The following SENP7 variants were observed in gnomAD, a reference collection of about 807,000 sequenced individuals.
The protein encoded by SENP7 is SUMO specific peptidase 7, also known as sentrin-specific protease 7.
In SENP7, 64 loss-of-function variants were observed where a neutral mutation model predicts 141.2. That is an observed-to-expected ratio of 0.45 (90% CI 0.37 to 0.56). The LOEUF (loss-of-function observed/expected upper bound fraction) is 0.56. SENP7 is among the 20% of genes least tolerant of loss of function. The probability of loss-of-function intolerance (pLI) is 0.00; values close to 1 mark genes in which losing one functional copy is unlikely to be tolerated. For missense variants in SENP7, 1,025 were observed against 1,212.2 expected (o/e 0.85, Z 2.29); for synonymous variants, 382 against 426.4 (o/e 0.90, Z 1.28).
intron 6 of SENP7, among the ~76,000 whole-genome samples, chr3:101,378,338 T>C (rs2060396818): frequency 6.6e-6 from 1 of 151,980 alleles, no homozygotes; most frequent in Non-Finnish European, 1.5e-5. Context: ...TTATGGGCAA[T>C]GTTAGCAGAG....
intron 3 of SENP7, among the ~76,000 whole-genome samples, chr3:101,484,877 TCA>T (rs2064661020): frequency 6.6e-6 from 1 of 152,034 alleles, no homozygotes; most frequent in South Asian, 2.1e-4. Flanking sequence ...AGAAGCCCAT[TCA>T]CACCCTCAGA....
At chr3:101,501,775 T>G (rs1476521671) in intron 1 of SENP7, among the ~76,000 whole-genome samples, 1 of 152,198 alleles carries the variant, frequency 6.6e-6, no homozygotes, top group African/African-American at 2.4e-5. Flanking sequence ...CAAACTTTCC[T>G]GGAACTTAGA....
chr3:101,366,725 C>A lies in SENP7; in HGVS notation c.1023G>T (p.Lys341Asn). ...GATCCTGATGATAGTTTTCACTTGGCTTTTCAAACTCAGTGGATATTGTTG... is the reference window on the plus strand; with the variant it reads ...GATCCTGATGATAGTTTTCACTTGGATTTTCAAACTCAGTGGATATTGTTG... Reference protein sequence around the residue: ...DDSTISTEFEKPSENYHQDPK... With the variant: ...DDSTISTEFENPSENYHQDPK... The change falls in exon 9 of 24, where the codon AAG (lysine) becomes AAT (asparagine). Residue 341 changes from lysine (K) to asparagine (N), a missense_variant. Around this residue, in one of 4 missense-constraint regions of SENP7, gnomAD observed 496 missense variants for 503.5 expected, o/e 0.99. Transcript: ENST00000394095. 2 of 1,610,450 alleles carry A rather than the reference C, an allele frequency of 1.2e-6. No homozygotes were observed. The highest frequency in any genetic ancestry group is 1.1e-5 in the South Asian group (1 of 90,500).
At chr3:101,439,965 G>C (rs1283343547) in intron 4 of SENP7, among the ~76,000 whole-genome samples, 1 of 85,240 alleles carries the variant, frequency 1.2e-5, no homozygotes, top group African/African-American at 3.7e-5. Flanking sequence ...TCAGCCCTCC[G>C]CCCGGCCAGC....
intron 6 of SENP7, among the ~76,000 whole-genome samples, chr3:101,398,343 C>G (rs1181037659): frequency 3.3e-5 from 5 of 152,098 alleles, no homozygotes; most frequent in Non-Finnish European, 5.9e-5. Flanking sequence ...GCCTGTAGTC[C>G]CAGCTACTTG....
chr3:101,328,341 G>T (rs1405298389), intron 22 of SENP7, 137 bp downstream of exon 22: 2 of 578,578 alleles, frequency 3.5e-6, no homozygotes, highest in Non-Finnish European at 6.1e-6. Flanking sequence ...ATTTATTATT[G>T]ATTAAATTTA....
intron 6 of SENP7, among the ~76,000 whole-genome samples, chr3:101,390,456 A>G (rs2060787917): frequency 6.6e-6 from 1 of 152,138 alleles, no homozygotes; most frequent in African/African-American, 2.4e-5. Context: ...ATTTTAAGTC[A>G]TGCTTTTGGT....
At chr3:101,442,417 C>T (rs1427030839) in intron 4 of SENP7, among the ~76,000 whole-genome samples, 1 of 152,144 alleles carries the variant, frequency 6.6e-6, no homozygotes, top group Non-Finnish European at 1.5e-5. Context: ...CCTGCATGCA[C>T]AGTTCACAAT....
intron 1 of SENP7, among the ~76,000 whole-genome samples, chr3:101,512,581 G>A (rs900585985): frequency 6.6e-6 from 1 of 152,196 alleles, no homozygotes; most frequent in African/African-American, 2.4e-5. Context: ...GAGACCCGGA[G>A]AGGCATTGTA....
chr3:101,497,658 T>G (rs1488908012), intron 2 of SENP7, among the ~76,000 whole-genome samples: 1 of 152,200 alleles, frequency 6.6e-6, no homozygotes, highest in East Asian at 1.9e-4. Flanking sequence ...TATGAGTCCA[T>G]ATTGATACAA....
At chr3:101,419,883 C>T (rs927183287) in intron 4 of SENP7, among the ~76,000 whole-genome samples, 1 of 152,176 alleles carries the variant, frequency 6.6e-6, no homozygotes, top group Non-Finnish European at 1.5e-5. Flanking sequence ...CCATGAGGGG[C>T]TTACAAATTA....
At chr3:101,414,588 T>C in intron 5 of SENP7, 2 of 1,605,394 alleles carry the variant, frequency 1.2e-6, no homozygotes, top group Admixed American at 1.7e-5. Flanking sequence ...TCATCCCAAC[T>C]ATGACCAAGA....
intron 14 of SENP7, among the ~76,000 whole-genome samples, chr3:101,342,698 C>T (rs1472965862): frequency 6.6e-6 from 1 of 150,376 alleles, no homozygotes; most frequent in African/African-American, 2.4e-5. Flanking sequence ...TAGACAGTCT[C>T]ACTCTGTAGC....
At chr3:101,388,002 C>T (rs1269143052) in intron 6 of SENP7, among the ~76,000 whole-genome samples, 1 of 108,752 alleles carries the variant, frequency 9.2e-6, no homozygotes, top group African/African-American at 3.0e-5. Context: ...CCTGCAGATG[C>T]CTCCTGGAAG....
chr3:101,332,065 T>C lies in SENP7; in HGVS notation c.2618A>G (p.Glu873Gly), dbSNP rs756502168. 1.2e-6 allele frequency: 2 copies of C among 1,613,462 alleles called. No homozygotes were observed. Among genetic ancestry groups the C allele is most frequent in the Non-Finnish European group, 1.7e-6 (2 of 1,179,626 alleles). ...TTGTGGAAAATCTTCATACACAGCT[T>C]CTTCTAACCATGGAAAACAAATGAC... Reference protein sequence around the residue: ...LAVICFPWLEEAVYEDFPQTV... With the variant: ...LAVICFPWLEGAVYEDFPQTV... Residue 873 changes from glutamate to glycine, a missense_variant, in exon 19 of 24, where the codon GAA becomes GGA. By Grantham distance (98) the Glu-to-Gly change is moderately conservative (BLOSUM62 -2). Around this residue, in one of 4 missense-constraint regions of SENP7, gnomAD observed 295 missense variants for 459.1 expected, o/e 0.64. Coordinates refer to ENST00000394095, the MANE Select transcript of SENP7 (RefSeq NM_020654.5).
intron 6 of SENP7, among the ~76,000 whole-genome samples, chr3:101,381,990 G>C (rs1453366102): frequency 6.6e-6 from 1 of 152,100 alleles, no homozygotes; most frequent in Non-Finnish European, 1.5e-5. Context: ...TAATAAAAAT[G>C]AAACCTCCTC....
intron 6 of SENP7, among the ~76,000 whole-genome samples, chr3:101,390,336 T>C (rs9861774): frequency 0.39 from 57,111 of 145,890 alleles, 11,741 homozygotes; most frequent in Admixed American, 0.53. Flanking sequence ...AAGACATACA[T>C]TGACCGAAAA....
At chr3:101,431,804 G>A (rs1443499704) in intron 4 of SENP7, among the ~76,000 whole-genome samples, 1 of 151,934 alleles carries the variant, frequency 6.6e-6, no homozygotes, top group African/African-American at 2.4e-5. Context: ...ATCCATCCCT[G>A]AGGTCTGCCT....
intron 13 of SENP7, among the ~76,000 whole-genome samples, chr3:101,345,950 G>C (rs987616158): frequency 1.1e-4 from 17 of 152,120 alleles, no homozygotes; most frequent in African/African-American, 3.9e-4. Flanking sequence ...CTTTTGCATG[G>C]CAAAAAGAAC....
Sources: allele counts gnomAD v4.1 joint callset (sites outside exome capture counted in the v4.1 genomes callset), GRCh38; gene constraint gnomAD v4.1.1; regional missense constraint gnomAD v4.1.1; transcripts MANE v1.5; gene names NCBI Gene and HGNC (gene_info 2026-07-23, HGNC 2026-07-21).